TMEM135: variants seen among roughly 807,000 people sequenced by gnomAD.
TMEM135 encodes the protein peroxisomal membrane protein 52.
A neutral mutation model predicts 60.3 loss-of-function variants in TMEM135; 30 were observed. The observed-to-expected ratio is 0.50, with a 90% CI of 0.37 to 0.68. The LOEUF is 0.68. Among genes scored for constraint, TMEM135 ranks in the 30% least tolerant of loss-of-function variants. The pLI is 0.00. For missense variants in TMEM135, 468 were observed against 548.8 expected (o/e 0.85, Z 1.47); for synonymous variants, 190 against 186.7 (o/e 1.02, Z -0.14).
At chr11:87,043,689 C>T (rs930319472) in intron 1 of TMEM135, among the ~76,000 whole-genome samples, 1 of 151,956 alleles carries the variant, frequency 6.6e-6, no homozygotes, top group African/African-American at 2.4e-5. Flanking sequence ...CGCCACTGCA[C>T]TCCAGCCTGG....
At position 87,302,412 on chromosome 11, in the gene TMEM135, T is replaced by C; in HGVS notation, c.668T>C (p.Ile223Thr). 1 of 1,613,888 alleles carries C rather than the reference T, an allele frequency of 6.2e-7. No homozygotes were observed. The highest frequency in any genetic ancestry group is 1.3e-5 in the African/African-American group (1 of 75,030). The change falls in exon 8 of 15, where the codon ATT becomes ACT. Residue 223 changes from isoleucine (I) to threonine (T), a missense_variant. Coordinates refer to ENST00000305494, the MANE Select transcript of TMEM135 (RefSeq NM_022918.4). ...GAAAAACCCGGAAGAATGAATATGATTGGTCTAGTCAGGAAATTTGTGGAT... is the reference window on the plus strand; with the variant it reads ...GAAAAACCCGGAAGAATGAATATGACTGGTCTAGTCAGGAAATTTGTGGAT... ...HEEKPGRMNM[I>T]GLVRKFVDSI...
chr11:87,108,079 C>G (rs1857644263), intron 4 of TMEM135, among the ~76,000 whole-genome samples: 6 of 152,170 alleles, frequency 3.9e-5, no homozygotes, highest in African/African-American at 1.2e-4. Context: ...AGTGTCTGTT[C>G]ATATCCTTTG....
chr11:87,270,408 G>C (rs1361002047), intron 6 of TMEM135, among the ~76,000 whole-genome samples: 1 of 152,152 alleles, frequency 6.6e-6, no homozygotes, highest in East Asian at 1.9e-4. Flanking sequence ...TTTTAGACAT[G>C]AAGTCCTTGT....
rs1856937134 is a variant in TMEM135 at position 87,079,293 on chromosome 11, A to C, written c.362+7678A>C. On this transcript the variant is annotated intron_variant, in intron 3 of 14. Coordinates refer to ENST00000305494, the MANE Select transcript of TMEM135 (RefSeq NM_022918.4). ...AGTGCTGGAATTACAGATGTGAGCCACTGCGCCTGGCCATGTTTTCTTTTA... is the reference window on the plus strand; with the variant it reads ...AGTGCTGGAATTACAGATGTGAGCCCCTGCGCCTGGCCATGTTTTCTTTTA... Among the ~76,000 whole-genome samples, 2 of 152,194 alleles carry C rather than the reference A, an allele frequency of 1.3e-5. 1 individual carries two copies. The highest frequency in any genetic ancestry group is 4.1e-4 in the South Asian group (2 of 4,826).
At chr11:87,306,892 T>C (rs1942554244) in intron 9 of TMEM135, among the ~76,000 whole-genome samples, 1 of 152,026 alleles carries the variant, frequency 6.6e-6, no homozygotes, top group African/African-American at 2.4e-5. Context: ...TGGCTAATTT[T>C]TGTGTTTTAG....
At chr11:87,173,933 A>G (rs1269114151) in intron 5 of TMEM135, among the ~76,000 whole-genome samples, 1 of 152,148 alleles carries the variant, frequency 6.6e-6, no homozygotes, top group African/African-American at 2.4e-5. Context: ...TTTAATCACA[A>G]ACTTGATGTG....
At chr11:87,092,040 T>C (rs187132511) in intron 4 of TMEM135, among the ~76,000 whole-genome samples, 1 of 152,294 alleles carries the variant, frequency 6.6e-6, no homozygotes, top group East Asian at 1.9e-4. Context: ...AAAATTTAAC[T>C]AGGAAAGATT....
At chr11:87,308,165 C>A (rs1043870401) in intron 9 of TMEM135, among the ~76,000 whole-genome samples, 5 of 152,104 alleles carry the variant, frequency 3.3e-5, no homozygotes, top group African/African-American at 1.2e-4. Context: ...AACTCTGTGC[C>A]CTCCTCATCA....
At chr11:87,228,938 G>A (rs482944) in intron 5 of TMEM135, among the ~76,000 whole-genome samples, 9,215 of 152,018 alleles carry the variant, frequency 0.061, 384 homozygotes, top group South Asian at 0.12. Context: ...CATAGTTTTC[G>A]TGTAATTCTA....
At chr11:87,258,886 A>T in intron 6 of TMEM135, 1 of 1,003,512 alleles carries the variant, frequency 1.0e-6, no homozygotes, top group Non-Finnish European at 1.6e-6. Flanking sequence ...AGCCCCTTGC[A>T]TTCTTCCTGA....
rs917761332 is a variant in TMEM135, at chr11:87,195,598, C to T, written c.462+38192C>T. 1.8e-4 allele frequency among the ~76,000 whole-genome samples: 28 copies of T among 151,962 alleles called. 1 individual carries two copies. In the South Asian group the frequency reaches 4.4e-3, roughly 24 times the overall value. On this transcript the variant is annotated intron_variant, in intron 5 of 14. Transcript: ENST00000305494. Reference sequence around the variant, plus strand: ...GCTAATTTTGTATTTTTAGTAAAGACGGGGTTTCTCCATGTTGGTCAGGCT... The same window carrying T: ...GCTAATTTTGTATTTTTAGTAAAGATGGGGTTTCTCCATGTTGGTCAGGCT...
chr11:87,305,645 G>C (rs903465000), intron 8 of TMEM135, among the ~76,000 whole-genome samples: 1 of 152,002 alleles, frequency 6.6e-6, no homozygotes, highest in Non-Finnish European at 1.5e-5. Context: ...GTGGTGGCAG[G>C]CGCCTGTAAT....
At chr11:87,176,583 G>A (rs1041042607) in intron 5 of TMEM135, among the ~76,000 whole-genome samples, 1 of 152,170 alleles carries the variant, frequency 6.6e-6, no homozygotes, top group African/African-American at 2.4e-5. Flanking sequence ...ATAAAGAGAT[G>A]TCATTAATTT....
chr11:87,265,023 A>G (rs1404574179), intron 6 of TMEM135, among the ~76,000 whole-genome samples: 1 of 151,970 alleles, frequency 6.6e-6, no homozygotes, highest in Non-Finnish European at 1.5e-5. Context: ...TACAATTAAA[A>G]CATGAAACTT....
rs1196409900 is a variant in TMEM135, at chr11:87,299,140, G to A, written c.552-3156G>A. On this transcript the variant is annotated intron_variant, in intron 7 of 14. Transcript: ENST00000305494. ...AACCACAAAACTTTACTTCAGTTTA[G>A]CACCTTTTTAAAAATCACTTGTATT... Among the ~76,000 whole-genome samples, 3 of 152,120 alleles carry A rather than the reference G, an allele frequency of 2.0e-5. No individual in the cohort carries two copies. The East Asian group carries it at 5.8e-4, about 29-fold the overall frequency.
rs1258113437 is a variant in TMEM135, at chr11:87,049,943, G to C, written c.141+11757G>C. On this transcript the variant is annotated intron_variant, in intron 1 of 14. Transcript: ENST00000305494. The stretch of plus-strand genomic sequence containing the variant: ...AAAGCTCTCCTCAGCAAATGTAAAA[G>C]AACAGAAATTATAACAAACTATCTC... Among the ~76,000 whole-genome samples the C allele has an allele frequency of 6.9e-5, 6 of 86,370 alleles. 1 individual carries two copies. The highest frequency in any genetic ancestry group is 1.3e-4 in the Non-Finnish European group (6 of 46,072). The allele number at this position is 86,370 out of a possible 152,430, so 56.7% of individuals were successfully genotyped here.
chr11:87,155,746 T>C (rs1208742470), intron 4 of TMEM135, among the ~76,000 whole-genome samples: 3 of 152,152 alleles, frequency 2.0e-5, no homozygotes, highest in Non-Finnish European at 4.4e-5. Context: ...ACAAAGGAAC[T>C]GTATTCTCAT....
chr11:87,047,095 C>T (rs534967061), intron 1 of TMEM135, among the ~76,000 whole-genome samples: 15 of 152,316 alleles, frequency 9.8e-5, no homozygotes, highest in African/African-American at 3.6e-4. Context: ...CCATGGCCTT[C>T]AGAGCCTTAT....
intron 4 of TMEM135, among the ~76,000 whole-genome samples, chr11:87,109,020 A>T (rs1012424610): frequency 8.5e-5 from 13 of 152,194 alleles, no homozygotes; most frequent in African/African-American, 2.9e-4. Context: ...ATAGTAATAG[A>T]AAGCAGGTAT....
Sources: gnomAD v4.1 joint callset for allele counts (sites outside exome capture counted in the v4.1 genomes callset) on GRCh38, gnomAD v4.1.1 for gene constraint, MANE v1.5 for transcripts, NCBI Gene and HGNC (gene_info 2026-07-23, HGNC 2026-07-21) for gene names.